The following MRTFB variants were observed in gnomAD, a reference collection of about 807,000 sequenced individuals.
MRTFB encodes myocardin-related transcription factor B.
MRTFB carries 29 observed loss-of-function variants against 104.2 expected under a neutral mutation model. The ratio of observed to expected loss-of-function variants is 0.28; its 90% CI spans 0.21 to 0.38. The LOEUF (loss-of-function observed/expected upper bound fraction) is 0.38, where lower values mean the gene tolerates loss of function less well. Ranked by LOEUF, MRTFB falls within the 10% of genes least tolerant of loss-of-function variation. The pLI, the probability that MRTFB is intolerant of heterozygous loss-of-function variation, is 1.00. For synonymous variants in MRTFB, 535 were observed against 519.5 expected, an observed-to-expected ratio of 1.03 and a Z score of -0.41; for missense variants, 1,270 against 1,341.6, an observed-to-expected ratio of 0.95 and a Z score of 0.83.
At chr16:14,225,917 A>G (rs1168212073) in intron 8 of MRTFB, among the ~76,000 whole-genome samples, 1 of 152,228 alleles carries the variant, frequency 6.6e-6, no homozygotes, top group Non-Finnish European at 1.5e-5. Flanking sequence ...TATCTATGCC[A>G]TAGGCATTGT....
chr16:14,152,533 G>A (rs998266833), intron 3 of MRTFB: 9 of 152,124 alleles, frequency 5.9e-5, no homozygotes, highest in South Asian at 2.1e-4. Flanking sequence ...ATATTTTATT[G>A]TGTATTTTTA....
intron 2 of MRTFB, among the ~76,000 whole-genome samples, chr16:14,130,810 G>GA (rs71707147): frequency 0.21 from 31,787 of 152,010 alleles, 5,867 homozygotes; most frequent in African/African-American, 0.49. Flanking sequence ...GGCGGAAGGG[G>GA]AGCAAACACA....
the MRTFB span, among the ~76,000 whole-genome samples, chr16:14,027,569 A>C: frequency 6.6e-6 from 1 of 152,168 alleles, no homozygotes; most frequent in Non-Finnish European, 1.5e-5. Flanking sequence ...TGTGTAGTTG[A>C]GTGAATATTA....
At chr16:14,260,480 A>AG (rs1307947884) in intron 16 of MRTFB, among the ~76,000 whole-genome samples, 1 of 152,196 alleles carries the variant, frequency 6.6e-6, no homozygotes, top group Non-Finnish European at 1.5e-5. Context: ...ATGTTGCTAT[A>AG]GATAGATTCA....
At chr16:14,069,534 G>A (rs2033574537), upstream of MRTFB, among the ~76,000 whole-genome samples, 1 of 152,212 alleles carries the variant, frequency 6.6e-6, no homozygotes, top group Non-Finnish European at 1.5e-5. Context: ...TGTCCAGACT[G>A]GAGGGCAGTG....
chr16:14,015,978 C>T, the MRTFB span: 36 of 398,636 alleles, frequency 9.0e-5, no homozygotes, highest in African/African-American at 6.6e-4. Context: ...CTTCACAATC[C>T]TTCATGTTTA....
At chr16:14,127,917 ATATATATATATATTTTTTTTTTTTTT>A (rs1295902987) in intron 2 of MRTFB, among the ~76,000 whole-genome samples, 7,189 of 51,080 alleles carry the variant, frequency 0.14, 713 homozygotes, top group African/African-American at 0.42. Context: ...ATATATATAT[ATATATATATATATTTTTTTTTTTTTT>A]TTTTTTTTCT....
rs2142574631 is a variant in MRTFB, at chr16:14,140,845, T to C, written c.154+85T>C. 1.9e-6 allele frequency: 3 copies of C among 1,545,362 alleles called. No individual in the cohort carries two copies. In the South Asian group the frequency reaches 3.5e-5, roughly 18 times the overall value. On this transcript the variant is annotated intron_variant, in intron 3 of 16. Transcript: ENST00000571589. The stretch of plus-strand genomic sequence containing the variant: ...AGTTTATTCCTGTTTGGTAGTAATA[T>C]TTTGGTCAGTTCAGCAGTCTGTCAT...
Position 14,080,553 on chromosome 16 carries a change from C to G in MRTFB, c.-64+1199C>G, listed in dbSNP as rs543362139. On this transcript the variant is annotated intron_variant, in intron 2 of 16. Transcript: ENST00000571589. ...GAAGAATACAGTATATCATAATTAA[C>G]AATAGTCACCATGCTGTACAATAGA... Among the ~76,000 whole-genome samples the G allele has an allele frequency of 1.8e-3, 274 of 152,268 alleles. 1 individual carries two copies. The Middle Eastern group carries it at 0.027, about 15-fold the overall frequency.
chr16:14,174,552 G>A (rs942713060), intron 3 of MRTFB, among the ~76,000 whole-genome samples: 14 of 151,968 alleles, frequency 9.2e-5, no homozygotes, highest in African/African-American at 2.7e-4. Flanking sequence ...GCATGGTGGC[G>A]CACACCTGTA....
intron 8 of MRTFB, among the ~76,000 whole-genome samples, chr16:14,229,501 A>C (rs1415151824): frequency 6.6e-6 from 1 of 152,220 alleles, no homozygotes; most frequent in African/African-American, 2.4e-5. Context: ...TTAAATACCT[A>C]GTTTCTGTCC....
intron 10 of MRTFB, among the ~76,000 whole-genome samples, chr16:14,241,670 C>G (rs996076342): frequency 6.6e-6 from 1 of 152,118 alleles, no homozygotes; most frequent in Admixed American, 6.5e-5. Flanking sequence ...CCCCTCTTTT[C>G]CCTCTTAAGA....
At chr16:14,131,996 T>C (rs375509894) in intron 2 of MRTFB, among the ~76,000 whole-genome samples, 18 of 152,130 alleles carry the variant, frequency 1.2e-4, no homozygotes, top group African/African-American at 3.9e-4. Flanking sequence ...CATAGCAACA[T>C]TCGTAGTAGC....
chr16:14,218,262 C>T (rs535032372), intron 7 of MRTFB, among the ~76,000 whole-genome samples: 5 of 152,012 alleles, frequency 3.3e-5, no homozygotes, highest in Admixed American at 6.5e-5. Flanking sequence ...GGTTTCACCG[C>T]GCTAGCCAGG....
chr16:14,213,171 A>G (rs2151181719), intron 5 of MRTFB, among the ~76,000 whole-genome samples: 1 of 152,346 alleles, frequency 6.6e-6, no homozygotes, highest in Non-Finnish European at 1.5e-5. Flanking sequence ...TAAGATTTTT[A>G]GGAAATTTGT....
intron 2 of MRTFB, among the ~76,000 whole-genome samples, chr16:14,084,853 C>G (rs2034605429): frequency 6.6e-6 from 1 of 152,194 alleles, no homozygotes; most frequent in South Asian, 2.1e-4. Flanking sequence ...CATATACCAA[C>G]TTTGTCATTG....
intron 7 of MRTFB, among the ~76,000 whole-genome samples, chr16:14,217,998 G>A (rs1449600500): frequency 6.6e-6 from 1 of 152,138 alleles, no homozygotes; most frequent in Non-Finnish European, 1.5e-5. Flanking sequence ...TCCCTAAAGT[G>A]GGAGCGTATC....
At chr16:14,099,362 T>C (rs1437721547) in intron 2 of MRTFB, among the ~76,000 whole-genome samples, 2 of 150,472 alleles carry the variant, frequency 1.3e-5, no homozygotes, top group Admixed American at 1.3e-4. Context: ...AATATAAAAT[T>C]ACGTGGGTTT....
intron 16 of MRTFB, among the ~76,000 whole-genome samples, chr16:14,259,279 TACAAAAATTA>T (rs911032958): frequency 2.0e-5 from 3 of 146,766 alleles, no homozygotes; most frequent in African/African-American, 7.6e-5. Context: ...CTACTAAAAA[TACAAAAATTA>T]GCAAAAATTA....
Sources: allele counts gnomAD v4.1 joint callset (sites outside exome capture counted in the v4.1 genomes callset), GRCh38; gene constraint gnomAD v4.1.1; transcripts MANE v1.5; gene names NCBI Gene and HGNC (gene_info 2026-07-23, HGNC 2026-07-21).